The following DRG2 variants were observed in gnomAD, a reference collection of about 807,000 sequenced individuals.
DRG2 encodes developmentally regulated GTP binding protein 2, also known as developmentally-regulated GTP-binding protein 2.
In DRG2, 36 loss-of-function variants were observed where a neutral mutation model predicts 53.4. That is an observed-to-expected ratio of 0.67 (90% CI 0.52 to 0.89). DRG2 has a LOEUF of 0.89. Ranked by LOEUF, DRG2 falls within the 40% of genes least tolerant of loss-of-function variation. The pLI is 0.00. For missense variants in DRG2, 342 were observed against 481.2 expected, an observed-to-expected ratio of 0.71 and a Z score of 2.71; for synonymous variants, 167 against 192.1, an observed-to-expected ratio of 0.87 and a Z score of 1.08.
At chr17:18,104,341 G>A (rs556045791) in intron 10 of DRG2, among the ~76,000 whole-genome samples, 3 of 152,316 alleles carry the variant, frequency 2.0e-5, no homozygotes, top group Non-Finnish European at 4.4e-5. Flanking sequence ...CGCCCTGCCC[G>A]TTCAGTCCAG....
chr17:18,102,929 T>G (rs1031027634), intron 9 of DRG2, among the ~76,000 whole-genome samples: 4 of 152,202 alleles, frequency 2.6e-5, no homozygotes, highest in African/African-American at 9.6e-5. Flanking sequence ...GTTTCCTGAC[T>G]TGAGGCAGGC....
chr17:18,104,712 G>A (rs2045597663), intron 11 of DRG2, 31 bp downstream of exon 11: 2 of 1,613,790 alleles, frequency 1.2e-6, no homozygotes, highest in East Asian at 2.2e-5. Context: ...GTGACAAGGG[G>A]TGGGAGCTCT....
rs1047545623 is a variant in DRG2, at chr17:18,099,437, T to G, written c.377-196T>G. The G allele has an allele frequency of 9.1e-5, 60 of 660,974 alleles. No homozygotes were observed. Among genetic ancestry groups the G allele is most frequent in the African/African-American group, 8.7e-4 (49 of 56,024 alleles). The allele number at this position is 660,974 out of a possible 1,614,324, so 40.9% of individuals were successfully genotyped here. A position where few individuals can be genotyped will look rare whatever the true frequency, so the allele number is the denominator to read the frequency against. ...CGTTATTATCCTGTTACTCCTTTTA[T>G]GATGGTGGTGTCGGATTTTCTTCTG... On this transcript the variant is annotated intron_variant, in intron 4 of 12. Coordinates refer to ENST00000225729, the MANE Select transcript of DRG2 (RefSeq NM_001388.5). This position sits in a 1 kb window ranked among gnomAD's most constrained non-coding sequence, Gnocchi z 4.4.
At chr17:18,096,747 G>A (rs954912877) in intron 2 of DRG2, 2 of 152,232 alleles carry the variant, frequency 1.3e-5, no homozygotes, top group Non-Finnish European at 2.9e-5. Context: ...CAGTGGAGAG[G>A]TTGCTAGAAT....
intron 10 of DRG2, 158 bp from the exon 11 acceptor site, chr17:18,104,465 G>C (rs886395412): frequency 9.8e-6 from 14 of 1,428,966 alleles, no homozygotes; most frequent in African/African-American, 1.4e-5. Context: ...GATGGTACAG[G>C]GATCTATGTG....
chr17:18,091,221 T>A (rs759006258), intron 1 of DRG2, among the ~76,000 whole-genome samples: 11 of 152,216 alleles, frequency 7.2e-5, no homozygotes, highest in Non-Finnish European at 1.2e-4. Flanking sequence ...TTTTATTGGG[T>A]GCTTACTGTA....
intron 2 of DRG2, chr17:18,097,624 G>C (rs2045455681): frequency 6.6e-6 from 1 of 152,276 alleles, no homozygotes; most frequent in South Asian, 2.1e-4. Context: ...CCGGGTTCAT[G>C]CCCATTCTAC....
intron 11 of DRG2, 129 bp downstream of exon 11, chr17:18,104,810 T>G: frequency 6.7e-7 from 1 of 1,489,176 alleles, no homozygotes; most frequent in Admixed American, 2.0e-5. Context: ...CAACGCAGGC[T>G]CTGGAGTTGG....
chr17:18,099,936 G>T lies in DRG2; in HGVS notation c.467+213G>T. 1.6e-6 allele frequency: 1 copy of T among 613,912 alleles called. No individual in the cohort carries two copies. The highest frequency in any genetic ancestry group is 2.9e-6 in the Non-Finnish European group (1 of 349,094). 38.0% of individuals were successfully genotyped at this position (613,912 alleles called of 1,614,324 possible). Reference sequence around the variant, plus strand: ...GCACAGAGGTATCTTGGGACTGGGGGCCGAGGGGCTTGGCCTGGCCCTGCT... The same window carrying T: ...GCACAGAGGTATCTTGGGACTGGGGTCCGAGGGGCTTGGCCTGGCCCTGCT... On this transcript the variant is annotated intron_variant, in intron 5 of 12. Coordinates refer to ENST00000225729, the MANE Select transcript of DRG2 (RefSeq NM_001388.5). This position sits in a 1 kb window ranked among gnomAD's most constrained non-coding sequence, Gnocchi z 4.4.
chr17:18,101,212 C>G (rs1473241536), intron 7 of DRG2, among the ~76,000 whole-genome samples: 2 of 152,234 alleles, frequency 1.3e-5, no homozygotes, highest in Middle Eastern at 3.2e-3. Context: ...AAAACCCAGG[C>G]TTCCCCTGAG....
At chr17:18,090,406 ATTTTTT>A (rs1186716416) in intron 1 of DRG2, among the ~76,000 whole-genome samples, 3 of 22,696 alleles carry the variant, frequency 1.3e-4, no homozygotes, top group Admixed American at 8.3e-4. Context: ...ATATATATAT[ATTTTTT>A]TTTTTTTTTT....
chr17:18,106,879 G>A (rs976398342), intron 12 of DRG2, among the ~76,000 whole-genome samples: 4 of 151,806 alleles, frequency 2.6e-5, no homozygotes, highest in Non-Finnish European at 5.9e-5. Context: ...ACAAGGTTTC[G>A]CTATCTGGCC....
chr17:18,090,416 T>A (rs1409207606), intron 1 of DRG2, among the ~76,000 whole-genome samples: 3 of 72,924 alleles, frequency 4.1e-5, no homozygotes, highest in Non-Finnish European at 8.9e-5. Context: ...ATTTTTTTTT[T>A]TTTTTTTTTT....
chr17:18,101,508 A>G lies in DRG2; in HGVS notation c.647A>G (p.Glu216Gly), dbSNP rs1411818984. The G allele has an allele frequency of 6.2e-7, 1 of 1,614,000 alleles. No individual in the cohort carries two copies. Among genetic ancestry groups the G allele is most frequent in the Non-Finnish European group, 8.5e-7 (1 of 1,180,032 alleles). The change falls in exon 8 of 13, where the codon GAA (glutamate) becomes GGA (glycine). Residue 216 changes from glutamate (E) to glycine (G), a missense_variant. Physicochemically the swap from Glu to Gly is moderately conservative, Grantham distance 98. Transcript: ENST00000225729. Reference protein sequence around the residue: ...ILHEYKIFNAEVLFREDCSPD... With the variant: ...ILHEYKIFNAGVLFREDCSPD... ...AGCCCCTCAGAGATCTTCAATGCAG[A>G]AGTGCTTTTCCGAGAAGACTGCTCC... is the stretch of plus-strand genomic sequence containing the variant.
chr17:18,094,119 T>C (rs2045386599), intron 2 of DRG2, 146 bp downstream of exon 2: 1 of 1,084,026 alleles, frequency 9.2e-7, no homozygotes, highest in Non-Finnish European at 1.3e-6. Flanking sequence ...ATCCCAGCCC[T>C]TTATCATCCT....
At chr17:18,091,544 C>T (rs796374579) in intron 1 of DRG2, among the ~76,000 whole-genome samples, 6 of 151,754 alleles carry the variant, frequency 4.0e-5, no homozygotes, top group African/African-American at 1.5e-4. Flanking sequence ...TGAGATCGCA[C>T]CACTGCACTC....
chr17:18,102,610 G>A (rs1233303473), intron 9 of DRG2, among the ~76,000 whole-genome samples: 2 of 92,342 alleles, frequency 2.2e-5, no homozygotes, highest in Admixed American at 1.6e-4. Context: ...GACAGAGCAA[G>A]ACTCCATCTC....
chr17:18,101,800 GAGGAAGGGCGTAGACTCAGCTCTCCA>G (rs1310946182), intron 8 of DRG2, 95 bp from the exon 9 acceptor site: 18 of 1,241,416 alleles, frequency 1.4e-5, no homozygotes, highest in Non-Finnish European at 1.8e-5. Flanking sequence ...GCAGCAAGGG[GAGGAAGGGCGTAGACTCAGCTCTCCA>G]AGGAAGGGCT....
At position 18,101,947 on chromosome 17, in the gene DRG2, C is replaced by G. The variant is rs1338974648; in HGVS notation, c.756C>G (p.Ser252=). The G allele has an allele frequency of 2.5e-6, 4 of 1,612,738 alleles. No homozygotes were observed. Among genetic ancestry groups the G allele is most frequent in the Non-Finnish European group, 3.4e-6 (4 of 1,179,272 alleles). The change falls in exon 9 of 13, where the codon TCC becomes TCG. Residue 252 remains serine, a synonymous_variant. Transcript: ENST00000225729. The stretch of plus-strand genomic sequence containing the variant: ...TTTATAACAAAATCGACCAGATCTC[C>G]ATGGAAGAGGTGGACCGCCTGGCCC... ...LYVYNKIDQI[S]MEEVDRLARK...
Sources: allele counts gnomAD v4.1 joint callset (sites outside exome capture counted in the v4.1 genomes callset), GRCh38; gene constraint gnomAD v4.1.1; non-coding constraint Gnocchi (gnomAD v3.1); transcripts MANE v1.5; gene names NCBI Gene and HGNC (gene_info 2026-07-23, HGNC 2026-07-21).